Variants in CRMP1 observed in about 807,000 individuals in gnomAD.
CRMP1 encodes collapsin response mediator protein 1, also known as dihydropyrimidinase-related protein 1.
Under a neutral mutation model 68.3 loss-of-function variants are expected in CRMP1, and 19 were observed. The ratio of observed to expected loss-of-function variants is 0.28; its 90% confidence interval spans 0.19 to 0.41. CRMP1 has a LOEUF of 0.41. Among genes scored for constraint, CRMP1 ranks in the 10% least tolerant of loss-of-function variants. The pLI, the probability that CRMP1 is intolerant of heterozygous loss-of-function variation, is 1.00. For missense variants in CRMP1, 791 were observed against 967.4 expected (o/e 0.82, Z 2.42); for synonymous variants, 439 against 399.6 (o/e 1.10, Z -1.18).
Position 5,824,734 on chromosome 4 carries a change from A to G in CRMP1, c.1969+760T>C. On this transcript the variant is annotated intron_variant, in intron 13 of 13. Coordinates refer to ENST00000324989, the MANE Select transcript of CRMP1 (RefSeq NM_001014809.3). ...GTATTTACTATCCGGCCTTCTAAGA[A>G]AAAAAATCACCATACTCTTAGTACC... 3 of 985,298 alleles carry G rather than the reference A, an allele frequency of 3.0e-6. No individual in the cohort carries two copies. In the South Asian group the frequency reaches 1.4e-4, roughly 46 times the overall value. 61.0% of individuals were successfully genotyped at this position (985,298 alleles called of 1,614,324 possible).
rs1392466253 is a variant in CRMP1, at chr4:5,828,530, A to T, written c.1762T>A (p.Phe588Ile). ...GMGRFIPRKA[F>I]PEHLYQRVKI... Reference sequence around the variant, plus strand: ...ACGCGCTGGTACAGGTGCTCCGGGAACGCCTTCCGCGGAATGAAGCGGCCC... The same window carrying T: ...ACGCGCTGGTACAGGTGCTCCGGGATCGCCTTCCGCGGAATGAAGCGGCCC... Residue 588 changes from phenylalanine to isoleucine, a missense_variant, in exon 12 of 14, where the codon TTC (phenylalanine) becomes ATC (isoleucine). Physicochemically the swap from Phe to Ile is conservative, Grantham distance 21 (BLOSUM62 0). This residue lies in a region of CRMP1 where 594 missense variants were observed against 763.6 expected (regional missense o/e 0.78). Coordinates refer to ENST00000324989, the MANE Select transcript of CRMP1 (RefSeq NM_001014809.3). The T allele has an allele frequency of 6.2e-7, 1 of 1,614,076 alleles. No individual in the cohort carries two copies. The highest frequency in any genetic ancestry group is 8.5e-7 in the Non-Finnish European group (1 of 1,180,020).
chr4:5,868,102 T>A (rs897733980), intron 1 of CRMP1, among the ~76,000 whole-genome samples: 5 of 151,964 alleles, frequency 3.3e-5, no homozygotes, highest in Middle Eastern at 3.4e-3. Flanking sequence ...TGCATAAACA[T>A]AAACAAAGCT....
intron 1 of CRMP1, among the ~76,000 whole-genome samples, chr4:5,873,575 T>A (rs1370011922): frequency 6.6e-6 from 1 of 151,908 alleles, no homozygotes; most frequent in Non-Finnish European, 1.5e-5. Flanking sequence ...ACCAGAATTT[T>A]AAATAACCAG....
At chr4:5,873,001 C>T (rs924049698) in intron 1 of CRMP1, among the ~76,000 whole-genome samples, 8 of 152,216 alleles carry the variant, frequency 5.3e-5, no homozygotes, top group Admixed American at 1.3e-4. Context: ...GAAGTGCTTA[C>T]TCAGCCCAGG....
chr4:5,824,219 T>C (rs564757521), intron 13 of CRMP1: 2 of 871,356 alleles, frequency 2.3e-6, no homozygotes, highest in African/African-American at 1.8e-5. Context: ...AGCTTGTGTC[T>C]TGTTGCACCC....
chr4:5,867,081 G>T lies in CRMP1; in HGVS notation c.382-325C>A, dbSNP rs1399257064. Among the ~76,000 whole-genome samples the T allele has an allele frequency of 2.6e-5, 4 of 152,114 alleles. No homozygotes were observed. In the East Asian group the frequency reaches 7.7e-4, roughly 29 times the overall value. On this transcript the variant is annotated intron_variant, in intron 1 of 13. Transcript: ENST00000324989. ...CCCGTTTGCCCCGAGAAATGAGTAT[G>T]GGCAGCAAGCTGCACTTTTTTTTCT...
chr4:5,889,970 CG>C lies in CRMP1; in HGVS notation c.381+2618del. ...CTTACAGAGGTAAAATGATGTACCC[CG>C]GGTGCAAAACATATTAGCTGCAGCA... On this transcript the variant is annotated intron_variant, in intron 1 of 13. Transcript: ENST00000324989. The surrounding 1 kb of genome is among the most constrained non-coding windows in gnomAD (Gnocchi z 4.5). 7.9e-7 allele frequency: 1 copy of C among 1,260,556 alleles called. No homozygotes were observed. The highest frequency in any genetic ancestry group is 1.0e-6 in the Non-Finnish European group (1 of 988,470). The allele number at this position is 1,260,556 out of a possible 1,614,324, so 78.1% of individuals were successfully genotyped here. A position where few individuals can be genotyped will look rare whatever the true frequency, so the allele number is the denominator to read the frequency against.
At chr4:5,845,113 G>A (rs1712093795) in intron 6 of CRMP1, among the ~76,000 whole-genome samples, 1 of 152,206 alleles carries the variant, frequency 6.6e-6, no homozygotes, top group Admixed American at 6.5e-5. Context: ...AGTGTGTGCT[G>A]TATGCTTCCA....
In CRMP1 at chr4:5,890,744, GGGCGCAGCTGC is replaced by G. The variant is rs1404354877; in HGVS notation, c.381+1834_381+1844del. Among the ~76,000 whole-genome samples the G allele has an allele frequency of 1.3e-5, 2 of 152,194 alleles. No homozygotes were observed. The highest frequency in any genetic ancestry group is 2.9e-5 in the Non-Finnish European group (2 of 68,024). On this transcript the variant is annotated intron_variant, in intron 1 of 13. Coordinates refer to ENST00000324989, the MANE Select transcript of CRMP1 (RefSeq NM_001014809.3). The surrounding 1 kb of genome is among the most constrained non-coding windows in gnomAD (Gnocchi z 5.5). ...AAGCGACCAGCGTCCCCAAGGGTCA[GGGCGCAGCTGC>G]GGGGCTGGCCCAGGCTGCGCCCTGG...
rs940541524 is a variant in CRMP1, at chr4:5,825,328, G to A, written c.1969+166C>T. ...CCCCCTCTGCTTGGTGACCATGCCA[G>A]CCCACTCTGCCCCACCAGTGAGAGC... On this transcript the variant is annotated intron_variant, in intron 13 of 13. Coordinates refer to ENST00000324989, the MANE Select transcript of CRMP1 (RefSeq NM_001014809.3). The surrounding 1 kb of genome is among the most constrained non-coding windows in gnomAD (Gnocchi z 4.4). The A allele has an allele frequency of 5.1e-6, 5 of 985,034 alleles. No homozygotes were observed. In the South Asian group the frequency reaches 2.4e-4, roughly 46 times the overall value. 61.0% of individuals were successfully genotyped at this position (985,034 alleles called of 1,614,324 possible). A position where few individuals can be genotyped will look rare whatever the true frequency, so the allele number is the denominator to read the frequency against.
chr4:5,828,277 A>G (rs916962673), intron 12 of CRMP1: 2 of 985,256 alleles, frequency 2.0e-6, no homozygotes, highest in Admixed American at 6.1e-5. Context: ...ACAGTTTGCA[A>G]AGCCCTGGAA....
rs1219640074 is a variant in CRMP1, at chr4:5,854,139, T to C, written c.820+2004A>G. 6.6e-6 allele frequency among the ~76,000 whole-genome samples: 1 copy of C among 152,192 alleles called. No individual in the cohort carries two copies. The highest frequency in any genetic ancestry group is 2.4e-5 in the African/African-American group (1 of 41,456). Reference sequence around the variant, plus strand: ...AAGGCGGCAACCTGGGGAAAATTGCTCAGAACTTAACATTAGGTAAGGAAA... The same window carrying C: ...AAGGCGGCAACCTGGGGAAAATTGCCCAGAACTTAACATTAGGTAAGGAAA... On this transcript the variant is annotated intron_variant, in intron 4 of 13. Transcript: ENST00000324989. The surrounding 1 kb of genome is among the most constrained non-coding windows in gnomAD (Gnocchi z 4.0).
chr4:5,871,901 C>T (rs1714480981), intron 1 of CRMP1, among the ~76,000 whole-genome samples: 1 of 152,174 alleles, frequency 6.6e-6, no homozygotes, highest in Admixed American at 6.5e-5. Context: ...TGCTTTGTGA[C>T]CATTTGCACA....
In CRMP1 at chr4:5,866,130, C is replaced by T. The variant is rs921076325; in HGVS notation, c.470+538G>A. Reference sequence around the variant, plus strand: ...GTCATAAGCAGGGCTGAAGAGGGAGCCAATGAGAAGAAAGGGAAGGAAACT... The same window carrying T: ...GTCATAAGCAGGGCTGAAGAGGGAGTCAATGAGAAGAAAGGGAAGGAAACT... On this transcript the variant is annotated intron_variant, in intron 2 of 13. Coordinates refer to ENST00000324989, the MANE Select transcript of CRMP1 (RefSeq NM_001014809.3). The surrounding 1 kb of genome is among the most constrained non-coding windows in gnomAD (Gnocchi z 5.9). 4.3e-4 allele frequency among the ~76,000 whole-genome samples: 66 copies of T among 152,266 alleles called. No individual in the cohort carries two copies. Among genetic ancestry groups the T allele is most frequent in the African/African-American group, 1.5e-3 (62 of 41,552 alleles).
intron 1 of CRMP1, among the ~76,000 whole-genome samples, chr4:5,869,631 C>A (rs1714295114): frequency 6.7e-6 from 1 of 149,212 alleles, no homozygotes; most frequent in South Asian, 2.1e-4. Context: ...TTGCAGTGAG[C>A]CGAGATAGCG....
rs991981574 is a variant in CRMP1, at chr4:5,865,944, A to C, written c.470+724T>G. Among the ~76,000 whole-genome samples, 2 of 152,168 alleles carry C rather than the reference A, an allele frequency of 1.3e-5. No homozygotes were observed. Among genetic ancestry groups the C allele is most frequent in the Non-Finnish European group, 2.9e-5 (2 of 68,020 alleles). On this transcript the variant is annotated intron_variant, in intron 2 of 13. Coordinates refer to ENST00000324989, the MANE Select transcript of CRMP1 (RefSeq NM_001014809.3). The surrounding 1 kb of genome is among the most constrained non-coding windows in gnomAD (Gnocchi z 4.1). ...TGTCTGCAAGCCAAGGAAGAACCTC[A>C]GGAAGAAGTTCAGGAAGGCCTCAGG...
rs1419550476 is a variant in CRMP1 at position 5,865,613 on chromosome 4, C to A, written c.470+1055G>T. Among the ~76,000 whole-genome samples the A allele has an allele frequency of 7.0e-6, 1 of 142,192 alleles. No homozygotes were observed. Among genetic ancestry groups the A allele is most frequent in the Non-Finnish European group, 1.5e-5 (1 of 65,896 alleles). 93.3% of individuals were successfully genotyped at this position (142,192 alleles called of 152,430 possible). On this transcript the variant is annotated intron_variant, in intron 2 of 13. Transcript: ENST00000324989. The surrounding 1 kb of genome is among the most constrained non-coding windows in gnomAD (Gnocchi z 4.1). The stretch of plus-strand genomic sequence containing the variant: ...TCCAGCCTGGTGACAGAGTGAGACT[C>A]CGTCTCAAAAAAAAAAAAAAAAAAG...
chr4:5,865,397 G>A lies in CRMP1; in HGVS notation c.470+1271C>T, dbSNP rs7655714. On this transcript the variant is annotated intron_variant, in intron 2 of 13. Coordinates refer to ENST00000324989, the MANE Select transcript of CRMP1 (RefSeq NM_001014809.3). The surrounding 1 kb of genome is among the most constrained non-coding windows in gnomAD (Gnocchi z 4.1). Reference sequence around the variant, plus strand: ...AGCACTTTGGGAGGCCGAGGCGAGCGGATCACGAGGTCAGGAGATCGAGAC... The same window carrying A: ...AGCACTTTGGGAGGCCGAGGCGAGCAGATCACGAGGTCAGGAGATCGAGAC... Among the ~76,000 whole-genome samples the A allele has an allele frequency of 0.63, 96,361 of 151,764 alleles. 31,008 individuals carry two copies. The highest frequency in any genetic ancestry group is 0.75 in the East Asian group (3,840 of 5,126).
chr4:5,893,041 C>T lies in CRMP1; in HGVS notation c.-72G>A. The stretch of plus-strand genomic sequence containing the variant: ...CGGCCCTGGGCACCGCCGTGCGCCG[C>T]GCTCCGCGCCTCGGTGCGGGCCTGC... On this transcript the variant is annotated 5_prime_UTR_variant, in exon 1 of 14. Coordinates refer to ENST00000324989, the MANE Select transcript of CRMP1 (RefSeq NM_001014809.3). 3 of 1,008,766 alleles carry T rather than the reference C, an allele frequency of 3.0e-6. No homozygotes were observed. Among genetic ancestry groups the T allele is most frequent in the Non-Finnish European group, 3.6e-6 (3 of 833,676 alleles). The allele number at this position is 1,008,766 out of a possible 1,614,324, so 62.5% of individuals were successfully genotyped here.
Sources: allele counts gnomAD v4.1 joint callset (sites outside exome capture counted in the v4.1 genomes callset), GRCh38; gene constraint gnomAD v4.1.1; regional missense constraint gnomAD v4.1.1; non-coding constraint Gnocchi (gnomAD v3.1); transcripts MANE v1.5; gene names NCBI Gene and HGNC (gene_info 2026-07-23, HGNC 2026-07-21).